The following GLRB variants were observed in gnomAD, a reference collection of about 807,000 sequenced individuals.
GLRB encodes the protein glycine receptor subunit beta.
In GLRB, 33 loss-of-function variants were observed where a neutral mutation model predicts 54.2. The ratio of observed to expected loss-of-function variants is 0.61; its 90% CI spans 0.46 to 0.81. The LOEUF is 0.81. GLRB is among the 40% of genes least tolerant of loss of function. The probability of loss-of-function intolerance (pLI) is 0.00; values close to 1 mark genes in which losing one functional copy is unlikely to be tolerated. For synonymous variants in GLRB, 209 were observed against 208.2 expected (o/e 1.00, Z -0.03); for missense variants, 572 against 584.6 (o/e 0.98, Z 0.22).
intron 2 of GLRB, among the ~76,000 whole-genome samples, chr4:157,104,983 A>G (rs1735168117): frequency 6.6e-6 from 1 of 151,062 alleles, no homozygotes; most frequent in Admixed American, 6.6e-5. Context: ...TCTAGCTGTA[A>G]ATTTTGTTAA....
chr4:157,141,937 C>CTTTTTT (rs1736632694), intron 7 of GLRB, among the ~76,000 whole-genome samples: 1 of 152,002 alleles, frequency 6.6e-6, no homozygotes, highest in Non-Finnish European at 1.5e-5. Context: ...AACTATGCTA[C>CTTTTTT]TTTGTAGTAA....
At chr4:157,160,240 C>G (rs1001582823) in intron 9 of GLRB, among the ~76,000 whole-genome samples, 1 of 150,616 alleles carries the variant, frequency 6.6e-6, no homozygotes, top group Non-Finnish European at 1.5e-5. Flanking sequence ...CTTTATTAGT[C>G]TTGCTAGTGG....
At chr4:157,145,130 G>C (rs148560597) in intron 8 of GLRB, among the ~76,000 whole-genome samples, 2 of 152,274 alleles carry the variant, frequency 1.3e-5, no homozygotes, top group East Asian at 3.9e-4. Flanking sequence ...TGATATAAAT[G>C]TCAGGCTTCC....
chr4:157,157,576 T>A (rs1360120736), intron 9 of GLRB, among the ~76,000 whole-genome samples: 1 of 152,002 alleles, frequency 6.6e-6, no homozygotes, highest in African/African-American at 2.4e-5. Context: ...CACCTATGAG[T>A]GAGAACATGC....
intron 9 of GLRB, among the ~76,000 whole-genome samples, chr4:157,169,069 T>A (rs918600199): frequency 2.6e-5 from 4 of 152,110 alleles, no homozygotes; most frequent in Non-Finnish European, 4.4e-5. Context: ...AAGATTTGTT[T>A]TATTTATTGT....
chr4:157,128,586 T>C (rs1337164681), intron 4 of GLRB, among the ~76,000 whole-genome samples: 1 of 151,848 alleles, frequency 6.6e-6, no homozygotes, highest in Non-Finnish European at 1.5e-5. Flanking sequence ...CAGGTCTCTA[T>C]TCTTTATGGG....
intron 6 of GLRB, among the ~76,000 whole-genome samples, 165 bp downstream of exon 6, chr4:157,137,051 A>G (rs1484960423): frequency 6.6e-6 from 1 of 152,210 alleles, no homozygotes; most frequent in African/African-American, 2.4e-5. Flanking sequence ...TTTTATTAAT[A>G]CTATCTTAAC....
rs552978674 is a variant in GLRB at position 157,136,065 on chromosome 4, A to G, written c.298-404A>G. 3.3e-5 allele frequency among the ~76,000 whole-genome samples: 5 copies of G among 152,324 alleles called. No homozygotes were observed. The South Asian group carries it at 1.0e-3, about 32-fold the overall frequency. ...ATTAAGTAATAATCTAAATTTCATT[A>G]TGAATTTTAATTTTAAGATATGTGT... On this transcript the variant is annotated intron_variant, in intron 4 of 9. Coordinates refer to ENST00000264428, the MANE Select transcript of GLRB (RefSeq NM_000824.5).
chr4:157,119,330 A>G (rs1735717895), intron 2 of GLRB, among the ~76,000 whole-genome samples: 1 of 151,650 alleles, frequency 6.6e-6, no homozygotes, highest in Admixed American at 6.6e-5. Flanking sequence ...GGGGAATATC[A>G]TTTTATGAAC....
intron 9 of GLRB, among the ~76,000 whole-genome samples, chr4:157,161,055 C>G (rs1167803354): frequency 6.6e-6 from 1 of 152,162 alleles, no homozygotes; most frequent in Non-Finnish European, 1.5e-5. Flanking sequence ...GTTAGCTCTT[C>G]TTGTTGAATT....
intron 3 of GLRB, among the ~76,000 whole-genome samples, chr4:157,121,456 AT>A (rs34471702): frequency 0.092 from 12,480 of 136,050 alleles, 1,272 homozygotes; most frequent in African/African-American, 0.27. Flanking sequence ...ATAAGGCTTG[AT>A]TTTTTTTTTT....
At chr4:157,107,774 G>A (rs577218446) in intron 2 of GLRB, among the ~76,000 whole-genome samples, 5 of 152,168 alleles carry the variant, frequency 3.3e-5, no homozygotes, top group African/African-American at 9.6e-5. Flanking sequence ...GTGAATATAC[G>A]AAACAACAGA....
At chr4:157,159,037 G>A (rs1475353426) in intron 9 of GLRB, among the ~76,000 whole-genome samples, 1 of 152,104 alleles carries the variant, frequency 6.6e-6, no homozygotes, top group Non-Finnish European at 1.5e-5. Flanking sequence ...TCCTTGAAGA[G>A]GTCCTCCACA....
Position 157,099,079 on chromosome 4 carries a change from C to A in GLRB, c.122+20933C>A, listed in dbSNP as rs143284738. 5.3e-5 allele frequency among the ~76,000 whole-genome samples: 8 copies of A among 152,232 alleles called. No homozygotes were observed. The East Asian group carries it at 1.2e-3, about 22-fold the overall frequency. On this transcript the variant is annotated intron_variant, in intron 2 of 9. Coordinates refer to ENST00000264428, the MANE Select transcript of GLRB (RefSeq NM_000824.5). Reference sequence around the variant, plus strand: ...TCAGTGAGGACAAACAGCTCAGCTACTCGTTTATGAGACAAAGAAGGGACG... The same window carrying A: ...TCAGTGAGGACAAACAGCTCAGCTAATCGTTTATGAGACAAAGAAGGGACG...
At chr4:157,095,051 G>T (rs900193730) in intron 2 of GLRB, among the ~76,000 whole-genome samples, 3 of 152,148 alleles carry the variant, frequency 2.0e-5, no homozygotes, top group Non-Finnish European at 4.4e-5. Flanking sequence ...CTAGAACTTT[G>T]GTCGTGCTGA....
At chr4:157,079,490 C>T (rs752808158) in intron 2 of GLRB, among the ~76,000 whole-genome samples, 6 of 152,254 alleles carry the variant, frequency 3.9e-5, no homozygotes, top group Admixed American at 2.0e-4. Flanking sequence ...GCATTAAATT[C>T]AGCTCCATGT....
intron 2 of GLRB, among the ~76,000 whole-genome samples, chr4:157,115,823 T>C (rs1208096072): frequency 1.3e-5 from 2 of 151,850 alleles, no homozygotes; most frequent in Non-Finnish European, 1.5e-5. Flanking sequence ...TGTCTGTGGC[T>C]TTGTATTTGG....
intron 2 of GLRB, 83 bp downstream of exon 2, chr4:157,078,229 C>T: frequency 6.3e-7 from 1 of 1,587,910 alleles, no homozygotes. Context: ...TGAAGACACA[C>T]ATCAACAAAA....
At chr4:157,162,821 T>G (rs2126625325) in intron 9 of GLRB, among the ~76,000 whole-genome samples, 1 of 152,268 alleles carries the variant, frequency 6.6e-6, no homozygotes, top group South Asian at 2.1e-4. Flanking sequence ...CATTCTCAGA[T>G]CTCAAACTCT....
Sources: gnomAD v4.1 joint callset for allele counts (sites outside exome capture counted in the v4.1 genomes callset) on GRCh38, gnomAD v4.1.1 for gene constraint, MANE v1.5 for transcripts, NCBI Gene and HGNC (gene_info 2026-07-23, HGNC 2026-07-21) for gene names.